The following ZBTB8OS variants were observed in gnomAD, a reference collection of about 807,000 sequenced individuals.
The protein encoded by ZBTB8OS is tRNA splicing ligase complex subunit 1.
A neutral mutation model predicts 29.3 loss-of-function variants in ZBTB8OS; 16 were observed. That is an observed-to-expected ratio of 0.55 (90% CI 0.37 to 0.83). ZBTB8OS has a LOEUF of 0.83. Ranked by LOEUF, ZBTB8OS falls within the 40% of genes least tolerant of loss-of-function variation. The pLI is 0.00. For synonymous variants in ZBTB8OS, 70 were observed against 64.6 expected (o/e 1.08, Z -0.40); for missense variants, 160 against 196.9 (o/e 0.81, Z 1.12).
chr1:32,641,740 C>T (rs1276418456), intron 1 of ZBTB8OS, among the ~76,000 whole-genome samples: 1 of 149,892 alleles, frequency 6.7e-6, no homozygotes, highest in African/African-American at 2.4e-5. Flanking sequence ...GGTGAAACCC[C>T]GTCTCTACTA....
chr1:32,621,964 G>GAT lies in ZBTB8OS; in HGVS notation c.418-17_418-16insAT. 26 of 1,022,740 alleles carry GAT rather than the reference G, an allele frequency of 2.5e-5. No individual in the cohort carries two copies. The highest frequency in any genetic ancestry group is 3.1e-5 in the Non-Finnish European group (24 of 762,426). 63.4% of individuals were successfully genotyped at this position (1,022,740 alleles called of 1,614,324 possible). A position where few individuals can be genotyped will look rare whatever the true frequency, so the allele number is the denominator to read the frequency against. ...CTTCTGTTCCCTAAAGTTGGGGTTA[G>GAT]AGAAAAAAAAAAAAAAAAGGAAAAT... is the stretch of plus-strand genomic sequence containing the variant. On this transcript the variant is annotated splice_polypyrimidine_tract_variant and intron_variant, in intron 6 of 6. Coordinates refer to ENST00000468695, the MANE Select transcript of ZBTB8OS (RefSeq NM_178547.5).
intron 1 of ZBTB8OS, among the ~76,000 whole-genome samples, chr1:32,649,644 A>G (rs1321561676): frequency 7.2e-6 from 1 of 138,050 alleles, no homozygotes. Context: ...ACACACACAC[A>G]CACACACACA....
intron 4 of ZBTB8OS, 59 bp downstream of exon 4, chr1:32,633,586 A>G: frequency 8.0e-7 from 1 of 1,246,498 alleles, no homozygotes; most frequent in Non-Finnish European, 1.1e-6. Flanking sequence ...CATCTGTTCT[A>G]TTTTAAAATA....
At chr1:32,645,592 G>C (rs1295180053) in intron 1 of ZBTB8OS, among the ~76,000 whole-genome samples, 1 of 152,168 alleles carries the variant, frequency 6.6e-6, no homozygotes, top group Non-Finnish European at 1.5e-5. Context: ...GTCTTGCTAT[G>C]TAGCCCAGGA....
intron 1 of ZBTB8OS, among the ~76,000 whole-genome samples, chr1:32,641,758 CAA>C (rs891045366): frequency 7.6e-6 from 1 of 131,738 alleles, no homozygotes; most frequent in Admixed American, 7.7e-5. Context: ...CTAAAAAATA[CAA>C]AAAAAAAAAA....
chr1:32,648,887 C>G (rs1647053611), intron 1 of ZBTB8OS, among the ~76,000 whole-genome samples: 1 of 150,126 alleles, frequency 6.7e-6, no homozygotes, highest in African/African-American at 2.5e-5. Flanking sequence ...TGATCTCAAG[C>G]TCCTGACCTC....
intron 1 of ZBTB8OS, among the ~76,000 whole-genome samples, chr1:32,636,618 A>T (rs1645978802): frequency 6.6e-6 from 1 of 151,442 alleles, no homozygotes; most frequent in Non-Finnish European, 1.5e-5. Flanking sequence ...TGAACCCAGG[A>T]GACGGAGGTT....
intron 1 of ZBTB8OS, among the ~76,000 whole-genome samples, chr1:32,643,758 G>C (rs1344196331): frequency 6.6e-6 from 1 of 151,814 alleles, no homozygotes; most frequent in East Asian, 1.9e-4. Flanking sequence ...GCCTCCCAAA[G>C]TGCTGGGATT....
Position 32,650,538 on chromosome 1 carries a change from G to T in ZBTB8OS, c.-9C>A, listed in dbSNP as rs770935154. 1 of 1,613,952 alleles carries T rather than the reference G, an allele frequency of 6.2e-7. No homozygotes were observed. The highest frequency in any genetic ancestry group is 1.7e-5 in the Admixed American group (1 of 59,962). The stretch of plus-strand genomic sequence containing the variant: ...TCCTCTTCCTGCGCCATGACTGCAG[G>T]ATTAGACACTCTACTTCCGCCCTTC... On this transcript the variant is annotated 5_prime_UTR_variant, in exon 1 of 7. Coordinates refer to ENST00000468695, the MANE Select transcript of ZBTB8OS (RefSeq NM_178547.5).
intron 4 of ZBTB8OS, chr1:32,633,429 G>C (rs550532497): frequency 2.7e-5 from 13 of 477,496 alleles, no homozygotes; most frequent in African/African-American, 2.6e-4. Flanking sequence ...CCTGATTAGT[G>C]ACAAATACAT....
intron 5 of ZBTB8OS, 120 bp downstream of exon 5, chr1:32,631,707 T>C: frequency 1.4e-6 from 1 of 693,828 alleles, no homozygotes; most frequent in Non-Finnish European, 2.4e-6. Flanking sequence ...CCCTTAGACA[T>C]CCCACAAAAC....
intron 1 of ZBTB8OS, among the ~76,000 whole-genome samples, chr1:32,648,894 C>T (rs1458629210): frequency 1.3e-5 from 2 of 149,828 alleles, no homozygotes; most frequent in Non-Finnish European, 3.0e-5. Flanking sequence ...AAGCTCCTGA[C>T]CTCAGGTGAT....
chr1:32,633,498 G>A lies in ZBTB8OS; in HGVS notation c.327+147C>T, dbSNP rs369236467. 429 of 578,220 alleles carry A rather than the reference G, an allele frequency of 7.4e-4. 6 individuals carry two copies. The South Asian group carries it at 9.9e-3, about 13-fold the overall frequency. The allele number at this position is 578,220 out of a possible 1,614,324, so 35.8% of individuals were successfully genotyped here. ...AATGCAGGTTAACCAGGAAGTGCCC[G>A]TGGTCATTATAATCTCTGCAAATCA... is the stretch of plus-strand genomic sequence containing the variant. On this transcript the variant is annotated intron_variant, in intron 4 of 6. Transcript: ENST00000468695.
intron 5 of ZBTB8OS, 77 bp downstream of exon 5, chr1:32,631,750 C>T (rs1645573646): frequency 1.8e-6 from 2 of 1,128,564 alleles, no homozygotes; most frequent in Admixed American, 2.2e-5. Flanking sequence ...ATTTATGTTT[C>T]CATCTGTTTC....
Position 32,650,522 on chromosome 1 carries a change from T to A in ZBTB8OS, c.8A>T (p.Gln3Leu), listed in dbSNP as rs772853798. 5.0e-6 allele frequency: 8 copies of A among 1,614,086 alleles called. 1 individual carries two copies. Among genetic ancestry groups the A allele is most frequent in the South Asian group, 2.2e-5 (2 of 91,084 alleles). Residue 3 changes from glutamine (Q) to leucine (L), a missense_variant, in exon 1 of 7, where the codon CAG becomes CTG. Transcript: ENST00000468695. MA[Q>L]EEEDVRDYNL... is the part of the protein sequence containing the mutation. ...GTAATCTCTAACATCTTCCTCTTCC[T>A]GCGCCATGACTGCAGGATTAGACAC...
At chr1:32,647,507 T>C (rs556716175) in intron 1 of ZBTB8OS, among the ~76,000 whole-genome samples, 3 of 151,888 alleles carry the variant, frequency 2.0e-5, no homozygotes, top group African/African-American at 7.2e-5. Context: ...CCAGTACCAG[T>C]TGGTGGCCTG....
intron 1 of ZBTB8OS, among the ~76,000 whole-genome samples, chr1:32,647,089 C>T (rs1331128260): frequency 1.6e-5 from 2 of 125,514 alleles, no homozygotes; most frequent in Non-Finnish European, 3.2e-5. Flanking sequence ...GGCGTGGTGG[C>T]TTACGCCTGT....
chr1:32,634,702 C>A (rs191041879), intron 2 of ZBTB8OS, 66 bp downstream of exon 2: 3 of 1,604,156 alleles, frequency 1.9e-6, no homozygotes, highest in Non-Finnish European at 2.6e-6. Context: ...ATAGGGATAC[C>A]AAGATTGAAA....
At chr1:32,635,131 A>G (rs929427346) in intron 1 of ZBTB8OS, among the ~76,000 whole-genome samples, 2 of 152,104 alleles carry the variant, frequency 1.3e-5, no homozygotes, top group African/African-American at 4.8e-5. Context: ...ACCTAATCCT[A>G]GATAAAATCA....
Sources: gnomAD v4.1 joint callset for allele counts (sites outside exome capture counted in the v4.1 genomes callset) on GRCh38, gnomAD v4.1.1 for gene constraint, MANE v1.5 for transcripts, NCBI Gene and HGNC (gene_info 2026-07-23, HGNC 2026-07-21) for gene names.